RTN4: variants seen among roughly 807,000 people sequenced by gnomAD.
The protein encoded by RTN4 is reticulon 4.
Under a neutral mutation model 90.4 loss-of-function variants are expected in RTN4, and 32 were observed. The observed-to-expected ratio is 0.35, with a 90% CI of 0.27 to 0.48. The LOEUF is 0.48. Among genes scored for constraint, RTN4 ranks in the 20% least tolerant of loss-of-function variants. The pLI, the probability that RTN4 is intolerant of heterozygous loss-of-function variation, is 0.99. For missense variants in RTN4, 1,706 were observed against 1,430.2 expected, an observed-to-expected ratio of 1.19 and a Z score of -3.11; for synonymous variants, 629 against 552.5, an observed-to-expected ratio of 1.14 and a Z score of -1.94.
chr2:55,077,422 C>G (rs1399617452), intron 2 of RTN4, among the ~76,000 whole-genome samples: 2 of 151,988 alleles, frequency 1.3e-5, no homozygotes, highest in African/African-American at 4.8e-5. Context: ...TGCAATACCA[C>G]CTCACTCCTG....
chr2:55,084,629 G>C (rs995260165), intron 1 of RTN4, among the ~76,000 whole-genome samples: 1 of 152,210 alleles, frequency 6.6e-6, no homozygotes, highest in African/African-American at 2.4e-5. Context: ...GTTTGGGGCA[G>C]TCTCATGGGA....
At chr2:55,088,981 G>T (rs1052554041) in intron 1 of RTN4, among the ~76,000 whole-genome samples, 2 of 152,126 alleles carry the variant, frequency 1.3e-5, no homozygotes, top group Non-Finnish European at 2.9e-5. Flanking sequence ...TGCCCAGGCT[G>T]GAGTGCAGTG....
chr2:55,007,612 G>C (rs1009939122), intron 3 of RTN4, among the ~76,000 whole-genome samples: 1 of 152,006 alleles, frequency 6.6e-6, no homozygotes, highest in African/African-American at 2.4e-5. Context: ...CTAGATCACT[G>C]TTTCCCGAAT....
At chr2:54,973,235 T>C (rs779847463) in intron 8 of RTN4, 37 bp from the exon 9 acceptor site, 3 of 1,537,238 alleles carry the variant, frequency 2.0e-6, no homozygotes, top group Non-Finnish European at 2.7e-6. Context: ...ATCAGTTTTG[T>C]TTGCTGCTGC....
rs1668018005 is a variant in RTN4, at chr2:55,050,081, C to G, written c.220G>C (p.Ala74Pro). 1.4e-6 allele frequency: 2 copies of G among 1,455,808 alleles called. No homozygotes were observed. Among genetic ancestry groups the G allele is most frequent in the African/African-American group, 1.5e-5 (1 of 68,214 alleles). 90.2% of individuals were successfully genotyped at this position (1,455,808 alleles called of 1,614,324 possible). A position where few individuals can be genotyped will look rare whatever the true frequency, so the allele number is the denominator to read the frequency against. Residue 74 changes from alanine (A) to proline (P), a missense_variant, in exon 1 of 9, where the codon GCC becomes CCC. Coordinates refer to ENST00000337526, the MANE Select transcript of RTN4 (RefSeq NM_020532.5). This position sits in a 1 kb window ranked among gnomAD's most constrained non-coding sequence, Gnocchi z 4.6. ...CCGAAGTCCATCAGGGGCGCGCCGGCGGCAGGGGCGGTGGGCACTGGGGCC... is the reference window on the plus strand; with the variant it reads ...CCGAAGTCCATCAGGGGCGCGCCGGGGGCAGGGGCGGTGGGCACTGGGGCC... The part of the protein sequence containing the change: ...SAAPVPTAPA[A>P]GAPLMDFGND...
intron 3 of RTN4, among the ~76,000 whole-genome samples, chr2:55,006,994 C>A (rs909924923): frequency 1.3e-5 from 2 of 152,114 alleles, no homozygotes; most frequent in Non-Finnish European, 2.9e-5. Context: ...TATCATTAAA[C>A]CTGTCATTTA....
At chr2:55,028,849 C>A (rs538303648) in intron 1 of RTN4, among the ~76,000 whole-genome samples, 1 of 152,110 alleles carries the variant, frequency 6.6e-6, no homozygotes, top group East Asian at 1.9e-4. Flanking sequence ...TTAAAATTAA[C>A]CTAAGTGAGG....
At position 55,045,465 on chromosome 2, in the gene RTN4, C is replaced by A. The variant is rs557276077; in HGVS notation, c.556+4280G>T. Among the ~76,000 whole-genome samples, 9 of 152,284 alleles carry A rather than the reference C, an allele frequency of 5.9e-5. No homozygotes were observed. The South Asian group carries it at 1.7e-3, about 28-fold the overall frequency. ...CAGGCCCTACTCATCTTTCTCAGAACTACTGTAATAGCTTTCTAAATAATT... is the reference window on the plus strand; with the variant it reads ...CAGGCCCTACTCATCTTTCTCAGAAATACTGTAATAGCTTTCTAAATAATT... On this transcript the variant is annotated intron_variant, in intron 1 of 8. Coordinates refer to ENST00000337526, the MANE Select transcript of RTN4 (RefSeq NM_020532.5).
At chr2:55,029,288 A>G (rs1349385189) in intron 1 of RTN4, among the ~76,000 whole-genome samples, 2 of 152,188 alleles carry the variant, frequency 1.3e-5, no homozygotes, top group Non-Finnish European at 2.9e-5. Flanking sequence ...ATTTCTGTTC[A>G]GCCACCCAGC....
chr2:55,128,969 G>A, the RTN4 span, among the ~76,000 whole-genome samples: 8 of 151,940 alleles, frequency 5.3e-5, no homozygotes, highest in African/African-American at 1.2e-4. Context: ...TTAGCCAGGC[G>A]TGATGGCAGG....
At chr2:55,104,606 C>T (rs1667910223) in intron 1 of RTN4, among the ~76,000 whole-genome samples, 1 of 152,052 alleles carries the variant, frequency 6.6e-6, no homozygotes, top group Non-Finnish European at 1.5e-5. Flanking sequence ...CTGCCTCAGC[C>T]TCCCAAAGTG....
At chr2:55,114,273 T>C (rs1193943671), upstream of RTN4, among the ~76,000 whole-genome samples, 7 of 152,284 alleles carry the variant, frequency 4.6e-5, no homozygotes, top group East Asian at 7.7e-4. Context: ...CTCTCTTTTG[T>C]GAATTAGTCT....
intron 1 of RTN4, among the ~76,000 whole-genome samples, chr2:55,096,326 C>CAA (rs113297587): frequency 1.1e-4 from 15 of 137,584 alleles, no homozygotes; most frequent in Middle Eastern, 3.6e-3. Context: ...AACTCTGCCT[C>CAA]AAAAAAAAAA....
chr2:55,090,294 C>A (rs1238999273), intron 1 of RTN4, among the ~76,000 whole-genome samples: 1 of 152,140 alleles, frequency 6.6e-6, no homozygotes, highest in Non-Finnish European at 1.5e-5. Flanking sequence ...ACAGAGAGAC[C>A]CAATATTCCA....
At chr2:55,100,025 C>G (rs1306827212) in intron 1 of RTN4, among the ~76,000 whole-genome samples, 1 of 152,064 alleles carries the variant, frequency 6.6e-6, no homozygotes, top group Non-Finnish European at 1.5e-5. Context: ...GAGAACTAGT[C>G]TAAGTTACAT....
At chr2:54,980,702 T>C (rs945247725) in intron 5 of RTN4, among the ~76,000 whole-genome samples, 1 of 152,170 alleles carries the variant, frequency 6.6e-6, no homozygotes, top group Non-Finnish European at 1.5e-5. Context: ...CCACCAATCT[T>C]TGACTACTAA....
intron 3 of RTN4, among the ~76,000 whole-genome samples, chr2:55,005,551 T>C (rs1482778564): frequency 1.3e-5 from 2 of 152,212 alleles, no homozygotes; most frequent in African/African-American, 2.4e-5. Context: ...AAAGCAGTTT[T>C]GTAAAAGGCG....
chr2:55,025,705 T>G lies in RTN4; in HGVS notation c.2394A>C (p.Pro798=). ...AACTGAGCTTAAAAGATTCCAAATA[T>G]GGCTTTCCTCCCTCAGGTGGCAAAG... The part of the protein sequence containing the change: ...LSALPPEGGK[P]YLESFKLSLD... Residue 798 remains proline, a synonymous_variant, in exon 3 of 9, where the codon CCA becomes CCC. Coordinates refer to ENST00000337526, the MANE Select transcript of RTN4 (RefSeq NM_020532.5). The G allele has an allele frequency of 6.2e-7, 1 of 1,613,870 alleles. No individual in the cohort carries two copies. Among genetic ancestry groups the G allele is most frequent in the Non-Finnish European group, 8.5e-7 (1 of 1,179,836 alleles).
the RTN4 span, among the ~76,000 whole-genome samples, chr2:55,120,365 C>T: frequency 6.6e-6 from 1 of 152,286 alleles, no homozygotes; most frequent in South Asian, 2.1e-4. Context: ...TGGCTGGGCA[C>T]CCTGGCAGGC....
Sources: allele counts gnomAD v4.1 joint callset (sites outside exome capture counted in the v4.1 genomes callset), GRCh38; gene constraint gnomAD v4.1.1; non-coding constraint Gnocchi (gnomAD v3.1); transcripts MANE v1.5; gene names NCBI Gene and HGNC (gene_info 2026-07-23, HGNC 2026-07-21).